The following MORC3 variants were observed in gnomAD, a reference collection of about 807,000 sequenced individuals.
MORC3 encodes MORC family CW-type zinc finger protein 3.
MORC3 carries 31 observed loss-of-function variants against 109.1 expected under a neutral mutation model. That is an observed-to-expected ratio of 0.28 (90% CI 0.21 to 0.38). The LOEUF (loss-of-function observed/expected upper bound fraction) is 0.38, where lower values mean the gene tolerates loss of function less well. Ranked by LOEUF, MORC3 falls within the 10% of genes least tolerant of loss-of-function variation. The pLI is 1.00. For missense variants in MORC3, 867 were observed against 1,135.8 expected (o/e 0.76, Z 3.40); for synonymous variants, 395 against 380.7 (o/e 1.04, Z -0.44).
chr21:36,372,763 A>G (rs2085884980), intron 16 of MORC3, among the ~76,000 whole-genome samples: 1 of 152,210 alleles, frequency 6.6e-6, no homozygotes, highest in Non-Finnish European at 1.5e-5. Flanking sequence ...TAGAAGGGAT[A>G]AAGCATTTGA....
intron 2 of MORC3, among the ~76,000 whole-genome samples, chr21:36,334,256 AC>A (rs1385100505): frequency 6.6e-6 from 1 of 152,128 alleles, no homozygotes; most frequent in Non-Finnish European, 1.5e-5. Flanking sequence ...AAGAAAAAAA[AC>A]AGATACCTTG....
chr21:36,361,872 C>T (rs969465023), intron 12 of MORC3: 15 of 317,766 alleles, frequency 4.7e-5, no homozygotes, highest in African/African-American at 3.3e-4. Context: ...GGGCAAGACT[C>T]CCTCTCAAAA....
At chr21:36,340,279 A>G (rs1349603609) in intron 5 of MORC3, among the ~76,000 whole-genome samples, 2 of 131,654 alleles carry the variant, frequency 1.5e-5, no homozygotes, top group African/African-American at 4.0e-5. Flanking sequence ...CTCTGTCTCA[A>G]AAAAAAAAAA....
At chr21:36,368,191 A>G (rs1049357928) in intron 14 of MORC3, among the ~76,000 whole-genome samples, 2 of 152,256 alleles carry the variant, frequency 1.3e-5, no homozygotes, top group Non-Finnish European at 2.9e-5. Context: ...AATGATGCAA[A>G]TGAAGAAATT....
chr21:36,329,514 G>A (rs2085289553), intron 1 of MORC3, among the ~76,000 whole-genome samples: 1 of 152,124 alleles, frequency 6.6e-6, no homozygotes, highest in Admixed American at 6.6e-5. Context: ...AAGTACAGGA[G>A]ACTAAGGGTT....
chr21:36,334,504 T>A (rs1303650831), intron 2 of MORC3, among the ~76,000 whole-genome samples: 2 of 152,152 alleles, frequency 1.3e-5, no homozygotes, highest in African/African-American at 4.8e-5. Context: ...CTCACCATGT[T>A]GTCCAGGCTG....
chr21:36,365,125 C>G (rs555988492), intron 14 of MORC3, among the ~76,000 whole-genome samples: 2 of 151,076 alleles, frequency 1.3e-5, no homozygotes, highest in South Asian at 2.1e-4. Flanking sequence ...TTTGCAAAGC[C>G]TATGGCACAC....
chr21:36,342,592 C>T (rs150767609), intron 6 of MORC3, among the ~76,000 whole-genome samples: 4 of 151,948 alleles, frequency 2.6e-5, no homozygotes, highest in Non-Finnish European at 5.9e-5. Flanking sequence ...TTGGTAGAGA[C>T]GATGTTTCAC....
intron 8 of MORC3, among the ~76,000 whole-genome samples, chr21:36,345,436 T>G (rs2085496931): frequency 2.6e-5 from 4 of 151,882 alleles, no homozygotes; most frequent in Admixed American, 2.6e-4. Flanking sequence ...TTTGTTTTTT[T>G]TTTGAGACAG....
chr21:36,345,297 G>C (rs1442276665), intron 8 of MORC3, among the ~76,000 whole-genome samples: 1 of 147,452 alleles, frequency 6.8e-6, no homozygotes, highest in Non-Finnish European at 1.5e-5. Context: ...CCAGGCTTCA[G>C]TGCAGTGGCA....
Position 36,345,466 on chromosome 21 carries a change from G to T in MORC3, c.1005+435G>T, listed in dbSNP as rs575903425. Among the ~76,000 whole-genome samples, 3 of 151,660 alleles carry T rather than the reference G, an allele frequency of 2.0e-5. No individual in the cohort carries two copies. The South Asian group carries it at 6.3e-4, about 32-fold the overall frequency. On this transcript the variant is annotated intron_variant, in intron 8 of 16. Coordinates refer to ENST00000400485, the MANE Select transcript of MORC3 (RefSeq NM_015358.3). ...AGACAGAGCCTTGCTCTGTCGCCCA[G>T]GCTGGAGTGCAGTGGCGATATCTCG... is the stretch of plus-strand genomic sequence containing the variant.
At position 36,360,231 on chromosome 21, in the gene MORC3, C is replaced by T. The variant is rs1258163614; in HGVS notation, c.1379C>T (p.Pro460Leu). 6.2e-7 allele frequency: 1 copy of T among 1,613,908 alleles called. No homozygotes were observed. The highest frequency in any genetic ancestry group is 8.5e-7 in the Non-Finnish European group (1 of 1,179,962). The change falls in exon 12 of 17, where the codon CCC becomes CTC. Residue 460 changes from proline (P) to leucine (L), a missense_variant. By Grantham distance (98) the Pro-to-Leu change is moderately conservative. This residue lies in a region of MORC3 where 120 missense variants were observed against 259.7 expected (regional missense o/e 0.46). Transcript: ENST00000400485. ...EEPEDEDLVHPTYEKTYKKTN... is the reference protein window; with the variant it reads ...EEPEDEDLVHLTYEKTYKKTN... ...CCTGAAGATGAGGATTTGGTACATC[C>T]CACTTATGAAAAAACCTACAAAAAG...
At chr21:36,333,125 G>A (rs774290046) in intron 1 of MORC3, among the ~76,000 whole-genome samples, 2 of 152,182 alleles carry the variant, frequency 1.3e-5, no homozygotes, top group African/African-American at 2.4e-5. Context: ...TGAAGAGTTT[G>A]TAGATGTATA....
intron 6 of MORC3, among the ~76,000 whole-genome samples, chr21:36,344,001 C>T (rs755370236): frequency 1.3e-5 from 2 of 151,984 alleles, no homozygotes; most frequent in Non-Finnish European, 2.9e-5. Context: ...CAGAGGCAGC[C>T]AGAGAAGATG....
intron 1 of MORC3, among the ~76,000 whole-genome samples, chr21:36,325,430 CTGTT>C (rs1411807251): frequency 3.3e-5 from 5 of 152,146 alleles, no homozygotes; most frequent in African/African-American, 4.8e-5. Context: ...TGCTGACTTG[CTGTT>C]TGTTTGATTA....
At chr21:36,373,830 G>A (rs539895687) in intron 16 of MORC3, among the ~76,000 whole-genome samples, 1 of 152,242 alleles carries the variant, frequency 6.6e-6, no homozygotes, top group Non-Finnish European at 1.5e-5. Flanking sequence ...TTGTAGTGGG[G>A]TAGGGAACAA....
chr21:36,348,471 G>A (rs934299357), intron 8 of MORC3, among the ~76,000 whole-genome samples: 1 of 152,134 alleles, frequency 6.6e-6, no homozygotes, highest in Non-Finnish European at 1.5e-5. Context: ...GCAATGGCAC[G>A]ATCTCAGCTC....
chr21:36,364,202 C>A lies in MORC3; in HGVS notation c.1562C>A (p.Ala521Glu), dbSNP rs1420553037. ...CTTTCAGAAGGAACAAATTCTTATG[C>A]GACAAGACTTCTAAATAATCATCAA... is the stretch of plus-strand genomic sequence containing the variant. ...RHLSEGTNSY[A>E]TRLLNNHQVP... Residue 521 changes from alanine to glutamate, a missense_variant, in exon 14 of 17, where the codon GCG (alanine) becomes GAG (glutamate). Around this residue, in one of 7 missense-constraint regions of MORC3, gnomAD observed 486 missense variants for 502.1 expected, o/e 0.97. Transcript: ENST00000400485. 1.9e-6 allele frequency: 3 copies of A among 1,614,094 alleles called. No individual in the cohort carries two copies. Among genetic ancestry groups the A allele is most frequent in the South Asian group, 1.1e-5 (1 of 91,082 alleles).
At chr21:36,357,283 C>T (rs2085655633) in intron 10 of MORC3, among the ~76,000 whole-genome samples, 1 of 152,060 alleles carries the variant, frequency 6.6e-6, no homozygotes. Context: ...GTTCTTTATA[C>T]ATTATTATAC....
Sources: gnomAD v4.1 joint callset for allele counts (sites outside exome capture counted in the v4.1 genomes callset) on GRCh38, gnomAD v4.1.1 for gene constraint, gnomAD v4.1.1 regional missense constraint, MANE v1.5 for transcripts, NCBI Gene and HGNC (gene_info 2026-07-23, HGNC 2026-07-21) for gene names.